FAM81B: variants seen among roughly 807,000 people sequenced by gnomAD.
The protein encoded by FAM81B is protein FAM81B.
In FAM81B, 60 loss-of-function variants were observed where a neutral mutation model predicts 58.7. That is an observed-to-expected ratio of 1.02 (90% CI 0.83 to 1.27). The LOEUF (loss-of-function observed/expected upper bound fraction) is 1.27. FAM81B is among the 50% of genes most tolerant of loss of function. FAM81B has a pLI of 0.00. For synonymous variants in FAM81B, 189 were observed against 179.6 expected (o/e 1.05, Z -0.42); for missense variants, 491 against 522.0 (o/e 0.94, Z 0.58).
At chr5:95,439,225 T>G (rs1164196904) in intron 7 of FAM81B, among the ~76,000 whole-genome samples, 1 of 131,206 alleles carries the variant, frequency 7.6e-6, no homozygotes, top group East Asian at 2.2e-4. Context: ...GCAAGCTTGC[T>G]AGGTTAAAGA....
At chr5:95,444,971 C>A (rs1468557371) in intron 7 of FAM81B, among the ~76,000 whole-genome samples, 2 of 151,944 alleles carry the variant, frequency 1.3e-5, no homozygotes, top group East Asian at 1.9e-4. Flanking sequence ...GTTGTGACAA[C>A]CAAAATTGTC....
chr5:95,407,799 C>A (rs1762296701), intron 3 of FAM81B, among the ~76,000 whole-genome samples: 3 of 152,238 alleles, frequency 2.0e-5, no homozygotes, highest in Admixed American at 6.5e-5. Context: ...TCCAAGATCA[C>A]CATCTGAGTC....
intron 6 of FAM81B, among the ~76,000 whole-genome samples, chr5:95,435,275 CT>C (rs1050386018): frequency 4.6e-5 from 7 of 151,114 alleles, no homozygotes; most frequent in African/African-American, 1.2e-4. Flanking sequence ...TTTTTTGTTG[CT>C]TTTTTTTTAC....
chr5:95,448,806 G>A (rs1319084578), intron 9 of FAM81B: 1 of 435,716 alleles, frequency 2.3e-6, no homozygotes, highest in Non-Finnish European at 4.5e-6. Flanking sequence ...GGTATGTTAT[G>A]AAATTAAGAG....
chr5:95,401,891 A>G (rs1034129045), intron 3 of FAM81B, among the ~76,000 whole-genome samples: 1 of 152,196 alleles, frequency 6.6e-6, no homozygotes, highest in Admixed American at 6.5e-5. Context: ...AATAGAACTC[A>G]GAGTTTGTGG....
chr5:95,414,741 G>T (rs6892914), intron 4 of FAM81B, among the ~76,000 whole-genome samples: 41,827 of 152,018 alleles, frequency 0.28, 6,024 homozygotes, highest in Non-Finnish European at 0.3. Context: ...TATGCAACGT[G>T]CTTCATTCCT....
chr5:95,408,473 G>A (rs538097539), intron 3 of FAM81B, among the ~76,000 whole-genome samples: 9 of 152,264 alleles, frequency 5.9e-5, no homozygotes, highest in East Asian at 3.9e-4. Context: ...GTATGGACCC[G>A]GAAATCATCC....
At position 95,391,508 on chromosome 5, in the gene FAM81B, G is replaced by T. The variant is rs767046810; in HGVS notation, c.119G>T (p.Ser40Ile). The change falls in exon 1 of 10, where the codon AGT (serine) becomes ATT (isoleucine). Residue 40 changes from serine to isoleucine, a missense_variant. Physicochemically the swap from Ser to Ile is moderately radical, Grantham distance 142. Coordinates refer to ENST00000283357, the MANE Select transcript of FAM81B (RefSeq NM_152548.3). Reference protein sequence around the residue: ...KNKAGKASIMSSDTNVNKSAS... With the variant: ...KNKAGKASIMISDTNVNKSAS... ...AAAGCTGGAAAAGCAAGCATCATGA[G>T]TTCAGGTACTTATGGACTATTCGAG... 6.2e-7 allele frequency: 1 copy of T among 1,613,008 alleles called. No individual in the cohort carries two copies. The highest frequency in any genetic ancestry group is 8.5e-7 in the Non-Finnish European group (1 of 1,179,522).
Position 95,448,252 on chromosome 5 carries a change from C to T in FAM81B, c.1030-17C>T, listed in dbSNP as rs762225656. 1.9e-6 allele frequency: 3 copies of T among 1,586,068 alleles called. No individual in the cohort carries two copies. Among genetic ancestry groups the T allele is most frequent in the South Asian group, 1.2e-5 (1 of 84,728 alleles). On this transcript the variant is annotated splice_polypyrimidine_tract_variant and intron_variant, in intron 8 of 9. Transcript: ENST00000283357. ...CATGTACATTTCTGAAGTTTTATCC[C>T]ATAATCTCTTTTACAGGAAAAGTCT... is the stretch of plus-strand genomic sequence containing the variant.
intron 5 of FAM81B, among the ~76,000 whole-genome samples, chr5:95,427,013 C>T (rs1411182704): frequency 6.6e-6 from 1 of 152,046 alleles, no homozygotes; most frequent in Non-Finnish European, 1.5e-5. Context: ...TGTGCCACTG[C>T]ACTCCAGCCT....
At chr5:95,432,666 A>T (rs985453597) in intron 6 of FAM81B, among the ~76,000 whole-genome samples, 9 of 151,894 alleles carry the variant, frequency 5.9e-5, no homozygotes, top group Non-Finnish European at 8.8e-5. Flanking sequence ...TATTTCCTTC[A>T]GATTTTGAAT....
intron 2 of FAM81B, 34 bp from the exon 3 acceptor site, chr5:95,396,077 A>G: frequency 6.6e-7 from 1 of 1,522,518 alleles, no homozygotes; most frequent in Non-Finnish European, 9.0e-7. Flanking sequence ...AAAGAAGCAG[A>G]TGATATATTC....
At chr5:95,404,168 C>A in intron 3 of FAM81B, among the ~76,000 whole-genome samples, 1 of 152,158 alleles carries the variant, frequency 6.6e-6, no homozygotes, top group Admixed American at 6.5e-5. Context: ...AGCAAATCTG[C>A]AGTCCACCAC....
rs185159280 is a variant in FAM81B, at chr5:95,432,681, A to G, written c.786+3949A>G. ...TATTTCCTTCAGATTTTGAATTTGC[A>G]TAAAGTTATGCAAAATGCTTTTAGG... On this transcript the variant is annotated intron_variant, in intron 6 of 9. Transcript: ENST00000283357. Among the ~76,000 whole-genome samples, 20 of 152,154 alleles carry G rather than the reference A, an allele frequency of 1.3e-4. No homozygotes were observed. The East Asian group carries it at 3.9e-3, about 29-fold the overall frequency.
intron 7 of FAM81B, among the ~76,000 whole-genome samples, chr5:95,444,522 G>A (rs571721916): frequency 4.6e-5 from 7 of 152,258 alleles, no homozygotes; most frequent in South Asian, 4.2e-4. Context: ...TAAAATGAGG[G>A]AGTCTACGTA....
chr5:95,420,389 G>A lies in FAM81B; in HGVS notation c.643G>A (p.Gly215Arg). 6.2e-7 allele frequency: 1 copy of A among 1,613,662 alleles called. No individual in the cohort carries two copies. Among genetic ancestry groups the A allele is most frequent in the Non-Finnish European group, 8.5e-7 (1 of 1,179,648 alleles). Residue 215 changes from glycine (G) to arginine (R), a missense_variant, in exon 5 of 10, where the codon GGA (glycine) becomes AGA (arginine). Gly to Arg is a moderately radical substitution (Grantham distance 125, BLOSUM62 -2). Transcript: ENST00000283357. The part of the protein sequence containing the change: ...KHLQGVGDLR[G>R]RVARCDSSIV... ...CCTACAAGGAGTTGGAGATCTTCGA[G>A]GAAGAGTAGCCAGGTGAGAAGAAGC... is the stretch of plus-strand genomic sequence containing the variant.
intron 3 of FAM81B, among the ~76,000 whole-genome samples, chr5:95,396,428 G>T (rs1761968175): frequency 1.3e-5 from 2 of 152,178 alleles, no homozygotes; most frequent in Admixed American, 1.3e-4. Context: ...ATAGGTTCCT[G>T]TAGATTTATG....
Position 95,436,730 on chromosome 5 carries a change from G to A in FAM81B, c.787-70G>A, listed in dbSNP as rs1745115058. ...TAATCTGTTTCCCGGCTCCTTAAAG[G>A]AATAAAGTATATTAATGTGAATGCT... On this transcript the variant is annotated intron_variant, in intron 6 of 9. Transcript: ENST00000283357. 3 of 1,017,142 alleles carry A rather than the reference G, an allele frequency of 2.9e-6. No homozygotes were observed. The Admixed American group carries it at 5.2e-5, about 18-fold the overall frequency. 63.0% of individuals were successfully genotyped at this position (1,017,142 alleles called of 1,614,324 possible).
intron 4 of FAM81B, among the ~76,000 whole-genome samples, chr5:95,415,291 G>A (rs894112918): frequency 2.0e-5 from 3 of 152,144 alleles, no homozygotes; most frequent in Admixed American, 1.3e-4. Context: ...GCAGTCTCAC[G>A]ATACTTGTCC....
Sources: allele counts gnomAD v4.1 joint callset (sites outside exome capture counted in the v4.1 genomes callset), GRCh38; gene constraint gnomAD v4.1.1; transcripts MANE v1.5; gene names NCBI Gene and HGNC (gene_info 2026-07-23, HGNC 2026-07-21).